Variants in UTY observed in about 807,000 individuals in gnomAD.
UTY encodes the protein histone demethylase UTY.
UTY carries 12 observed loss-of-function variants against 32.5 expected under a neutral mutation model. The observed-to-expected ratio is 0.37, with a 90% CI of 0.24 to 0.60. The LOEUF is 0.60. Ranked by LOEUF, UTY falls within the 20% of genes least tolerant of loss-of-function variation. The probability of loss-of-function intolerance (pLI) is 0.69; values close to 1 mark genes in which losing one functional copy is unlikely to be tolerated. For synonymous variants in UTY, 131 were observed against 103.4 expected (o/e 1.27, Z -1.62); for missense variants, 303 against 299.2 (o/e 1.01, Z -0.09).
intron 10 of UTY, among the ~76,000 whole-genome samples, chrY:13,365,424 A>G: frequency 3.3e-5 from 1 of 30,679 alleles, no homozygotes; most frequent in Admixed American, 3.1e-4. Flanking sequence ...AAAAAAAAAA[A>G]AAAAAGAAAA....
intron 10 of UTY, among the ~76,000 whole-genome samples, chrY:13,362,922 T>A (rs2063695381): frequency 6.2e-5 from 2 of 32,277 alleles, no homozygotes; most frequent in African/African-American, 2.4e-4. Context: ...TTTTTTTTTT[T>A]GACATAGAGT....
intron 4 of UTY, among the ~76,000 whole-genome samples, chrY:13,428,777 A>T (rs1166778127): frequency 2.9e-5 from 1 of 33,952 alleles, no homozygotes; most frequent in Non-Finnish European, 7.4e-5. Context: ...TACTTTGGGC[A>T]GTTAGTCATT....
intron 28 of UTY, among the ~76,000 whole-genome samples, chrY:13,258,697 T>TGGG: frequency 2.9e-5 from 1 of 33,965 alleles, no homozygotes; most frequent in Non-Finnish European, 7.3e-5. Context: ...ATCAAAACAC[T>TGGG]GGGAAGCTTT....
intron 27 of UTY, among the ~76,000 whole-genome samples, chrY:13,261,829 T>A: frequency 3.0e-5 from 1 of 33,608 alleles, no homozygotes; most frequent in Non-Finnish European, 7.4e-5. Flanking sequence ...TATGCCTACT[T>A]AGAAACAATG....
intron 27 of UTY, among the ~76,000 whole-genome samples, chrY:13,262,631 C>G: frequency 4.5e-5 from 1 of 22,229 alleles, no homozygotes; most frequent in Non-Finnish European, 9.6e-5. Flanking sequence ...ATGGCGTGAT[C>G]TTGGCTCATG....
At chrY:13,393,114 A>T in intron 8 of UTY, 1 of 33,423 alleles carries the variant, frequency 3.0e-5, no homozygotes, top group African/African-American at 1.2e-4. Context: ...TGCTGCAATT[A>T]AGACATGAGC....
chrY:13,355,778 A>G, intron 16 of UTY, 145 bp downstream of exon 16: 1 of 271,839 alleles, frequency 3.7e-6, no homozygotes, highest in Non-Finnish European at 5.3e-6. Context: ...TTACTAACAC[A>G]TATGTAAAAC....
At chrY:13,413,153 G>C in intron 5 of UTY, among the ~76,000 whole-genome samples, 1 of 33,773 alleles carries the variant, frequency 3.0e-5, no homozygotes, top group Non-Finnish European at 7.4e-5. Context: ...ATCCACCTTT[G>C]GGTAGGGGCT....
intron 24 of UTY, among the ~76,000 whole-genome samples, chrY:13,305,110 G>A: frequency 3.1e-5 from 1 of 31,813 alleles, no homozygotes; most frequent in Admixed American, 3.0e-4. Flanking sequence ...TGTAATTGTG[G>A]TGAAAACCTC....
At chrY:13,342,910 G>A in intron 17 of UTY, among the ~76,000 whole-genome samples, 2 of 33,290 alleles carry the variant, frequency 6.0e-5, no homozygotes, top group African/African-American at 2.4e-4. Flanking sequence ...AAGTTTAAAC[G>A]GGCAGCTGGT....
At chrY:13,324,514 T>C in intron 20 of UTY, 87 bp downstream of exon 20, 2 of 239,837 alleles carry the variant, frequency 8.3e-6, no homozygotes, top group Non-Finnish European at 1.3e-5. Context: ...ACTCAGAATG[T>C]TGGGGGAAAA....
intron 28 of UTY, among the ~76,000 whole-genome samples, chrY:13,253,637 A>C (rs2054399710): frequency 2.9e-5 from 1 of 33,959 alleles, no homozygotes; most frequent in Non-Finnish European, 7.3e-5. Flanking sequence ...AGTATGGACC[A>C]GGTTCTCCTT....
chrY:13,397,475 A>C, intron 6 of UTY, among the ~76,000 whole-genome samples: 1 of 33,531 alleles, frequency 3.0e-5, no homozygotes, highest in African/African-American at 1.2e-4. Context: ...CTGTATGTAC[A>C]ACCTACTTAT....
chrY:13,263,239 T>C, intron 27 of UTY, among the ~76,000 whole-genome samples: 2 of 33,475 alleles, frequency 6.0e-5, no homozygotes, highest in African/African-American at 1.2e-4. Flanking sequence ...ACTGCTGTTA[T>C]ATTAACAATA....
chrY:13,383,463 G>A (rs2066378798), intron 8 of UTY, among the ~76,000 whole-genome samples: 1 of 29,345 alleles, frequency 3.4e-5, no homozygotes, highest in Non-Finnish European at 8.1e-5. Flanking sequence ...GCATGGTGGC[G>A]GGTGCCTGTA....
At chrY:13,453,376 G>A (rs2076467720) in intron 3 of UTY, among the ~76,000 whole-genome samples, 1 of 34,019 alleles carries the variant, frequency 2.9e-5, no homozygotes, top group African/African-American at 1.1e-4. Context: ...TCATGTTCAT[G>A]AACACAGCAA....
At chrY:13,324,570 A>G (rs758171028) in intron 20 of UTY, 31 bp downstream of exon 20, 1 of 361,898 alleles carries the variant, frequency 2.8e-6, no homozygotes, top group East Asian at 9.6e-5. Flanking sequence ...AAGATAGTAA[A>G]ATATATATTC....
chrY:13,473,065 C>T (rs777854142), intron 2 of UTY, among the ~76,000 whole-genome samples: 7 of 33,397 alleles, frequency 2.1e-4, no homozygotes, highest in Admixed American at 5.4e-4. Flanking sequence ...AAGACCAGCC[C>T]GCCCAACATG....
At chrY:13,440,941 G>A in intron 4 of UTY, among the ~76,000 whole-genome samples, 1 of 33,123 alleles carries the variant, frequency 3.0e-5, no homozygotes, top group African/African-American at 1.2e-4. Context: ...CATTTCTCCA[G>A]AAACCTCTCC....
Sources: gnomAD v4.1 joint callset for allele counts (sites outside exome capture counted in the v4.1 genomes callset) on GRCh38, gnomAD v4.1.1 for gene constraint, MANE v1.5 for transcripts, NCBI Gene and HGNC (gene_info 2026-07-23, HGNC 2026-07-21) for gene names.